Variants in PDE1C observed in about 807,000 individuals in gnomAD.
PDE1C encodes dual specificity calcium/calmodulin-dependent 3',5'-cyclic nucleotide phosphodiesterase 1C.
A neutral mutation model predicts 93.1 loss-of-function variants in PDE1C; 62 were observed. The observed-to-expected ratio is 0.67, with a 90% CI of 0.54 to 0.82. The LOEUF (loss-of-function observed/expected upper bound fraction) is 0.82. Among genes scored for constraint, PDE1C ranks in the 40% least tolerant of loss-of-function variants. The pLI is 0.00. For missense variants in PDE1C, 742 were observed against 884.6 expected (o/e 0.84, Z 2.04); for synonymous variants, 325 against 310.1 (o/e 1.05, Z -0.50).
At chr7:31,820,347 A>G (rs914285101) in intron 14 of PDE1C, among the ~76,000 whole-genome samples, 1 of 152,114 alleles carries the variant, frequency 6.6e-6, no homozygotes, top group African/African-American at 2.4e-5. Flanking sequence ...TAAACATGTT[A>G]GTCTTACACC....
At chr7:31,964,137 G>A (rs372236537) in intron 2 of PDE1C, among the ~76,000 whole-genome samples, 65 of 152,366 alleles carry the variant, frequency 4.3e-4, no homozygotes, top group East Asian at 2.3e-3. Context: ...CGCACCGTGC[G>A]TGAGCCAAAG....
chr7:31,620,057 G>A, the PDE1C span, among the ~76,000 whole-genome samples: 2 of 152,142 alleles, frequency 1.3e-5, no homozygotes, highest in African/African-American at 4.8e-5. Flanking sequence ...GCTGGGGGAG[G>A]GGTGCCCGCC....
chr7:32,096,207 G>C (rs2128747634), intron 3 of PDE1C, among the ~76,000 whole-genome samples: 1 of 152,274 alleles, frequency 6.6e-6, no homozygotes, highest in South Asian at 2.1e-4. Flanking sequence ...GCATTGATGT[G>C]CTCCCAGTAT....
chr7:32,318,185 G>A (rs948730109), intron 1 of PDE1C, among the ~76,000 whole-genome samples: 3 of 152,070 alleles, frequency 2.0e-5, no homozygotes, highest in Non-Finnish European at 4.4e-5. Flanking sequence ...AGGGACATTC[G>A]GCAGGGAGAT....
chr7:31,838,354 A>C (rs1202204036), intron 9 of PDE1C, among the ~76,000 whole-genome samples: 6 of 152,216 alleles, frequency 3.9e-5, no homozygotes, highest in African/African-American at 1.4e-4. Flanking sequence ...CAGGTATTCC[A>C]TCTTTTTAAA....
intron 2 of PDE1C, among the ~76,000 whole-genome samples, chr7:31,970,099 A>G (rs1306649137): frequency 6.6e-6 from 1 of 152,216 alleles, no homozygotes; most frequent in Non-Finnish European, 1.5e-5. Context: ...ATATGTAACA[A>G]ACCTGCACGT....
chr7:32,191,664 A>C (rs1804239991), intron 2 of PDE1C, among the ~76,000 whole-genome samples: 1 of 152,220 alleles, frequency 6.6e-6, no homozygotes, highest in Non-Finnish European at 1.5e-5. Flanking sequence ...CTACTACGGA[A>C]AAAGCTGCTA....
chr7:31,851,656 T>C (rs1793362026), intron 7 of PDE1C, among the ~76,000 whole-genome samples: 1 of 152,214 alleles, frequency 6.6e-6, no homozygotes, highest in Non-Finnish European at 1.5e-5. Flanking sequence ...GCCTACATGA[T>C]TCAGTATGAT....
the PDE1C span, among the ~76,000 whole-genome samples, chr7:31,703,703 G>A: frequency 2.0e-5 from 3 of 152,160 alleles, no homozygotes; most frequent in Non-Finnish European, 4.4e-5. Flanking sequence ...TTCTAATAAG[G>A]GTGTTGAGAG....
intron 2 of PDE1C, among the ~76,000 whole-genome samples, chr7:31,940,434 T>A (rs1314319325): frequency 6.6e-6 from 1 of 152,212 alleles, no homozygotes; most frequent in Non-Finnish European, 1.5e-5. Flanking sequence ...GTAGAGTTCA[T>A]GATTCATCCT....
intron 1 of PDE1C, among the ~76,000 whole-genome samples, chr7:32,312,703 G>T (rs1351813103): frequency 1.3e-5 from 2 of 152,208 alleles, no homozygotes; most frequent in Non-Finnish European, 2.9e-5. Flanking sequence ...CTAGCCATGT[G>T]TAGAAAGCTG....
the PDE1C span, among the ~76,000 whole-genome samples, chr7:31,629,875 C>G: frequency 2.6e-5 from 4 of 152,090 alleles, no homozygotes; most frequent in African/African-American, 9.7e-5. Context: ...CACCAGCGTA[C>G]TGAATTAGGA....
At chr7:32,085,559 A>G (rs554487889) in intron 3 of PDE1C, among the ~76,000 whole-genome samples, 2 of 148,642 alleles carry the variant, frequency 1.3e-5, no homozygotes, top group East Asian at 3.9e-4. Flanking sequence ...AAAAAACAGA[A>G]TTTTAGACCA....
At chr7:32,107,983 A>T (rs969749868) in intron 3 of PDE1C, among the ~76,000 whole-genome samples, 4 of 151,708 alleles carry the variant, frequency 2.6e-5, no homozygotes, top group African/African-American at 7.2e-5. Context: ...ATCAAAAAGA[A>T]ATTTTTTTAA....
At chr7:32,186,956 G>C (rs1803924810) in intron 2 of PDE1C, among the ~76,000 whole-genome samples, 1 of 152,066 alleles carries the variant, frequency 6.6e-6, no homozygotes. Context: ...TTTGTTCCTT[G>C]AATTCTGCTT....
chr7:32,379,503 C>G (rs549830811), intron 1 of PDE1C, among the ~76,000 whole-genome samples: 1 of 152,230 alleles, frequency 6.6e-6, no homozygotes, highest in South Asian at 2.1e-4. Context: ...CCCAGCAATG[C>G]TGAAAAAAGC....
At chr7:32,120,365 A>G (rs1331661051) in intron 3 of PDE1C, among the ~76,000 whole-genome samples, 1 of 152,178 alleles carries the variant, frequency 6.6e-6, no homozygotes, top group Non-Finnish European at 1.5e-5. Context: ...CCCCAGGCAA[A>G]GCATACCCTC....
At position 31,812,093 on chromosome 7, in the gene PDE1C, T is replaced by G. The variant is rs11984055; in HGVS notation, c.1814-2985A>C. Among the ~76,000 whole-genome samples the G allele has an allele frequency of 1.8e-3, 276 of 152,244 alleles. 1 individual carries two copies. The highest frequency in any genetic ancestry group is 5.8e-3 in the African/African-American group (240 of 41,568). On this transcript the variant is annotated intron_variant, in intron 15 of 17. Transcript: ENST00000396191. Reference sequence around the variant, plus strand: ...AAGAGACTTTCTGTGCAGTTATAAATCATTTTAATTAGGCTGCTGTAATAT... The same window carrying G: ...AAGAGACTTTCTGTGCAGTTATAAAGCATTTTAATTAGGCTGCTGTAATAT...
chr7:31,845,117 G>T (rs543253489), intron 9 of PDE1C, among the ~76,000 whole-genome samples: 1 of 152,144 alleles, frequency 6.6e-6, no homozygotes, highest in South Asian at 2.1e-4. Flanking sequence ...CTCCATTAGT[G>T]ACACACTCCT....
Sources: allele counts gnomAD v4.1 joint callset (sites outside exome capture counted in the v4.1 genomes callset), GRCh38; gene constraint gnomAD v4.1.1; transcripts MANE v1.5; gene names NCBI Gene and HGNC (gene_info 2026-07-23, HGNC 2026-07-21).